NASP: variants seen among roughly 807,000 people sequenced by gnomAD.
The protein encoded by NASP is nuclear autoantigenic sperm protein.
NASP carries 24 observed loss-of-function variants against 89.5 expected under a neutral mutation model. That is an observed-to-expected ratio of 0.27 (90% CI 0.19 to 0.38). NASP has a LOEUF of 0.38. Among genes scored for constraint, NASP ranks in the 10% least tolerant of loss-of-function variants. NASP has a pLI of 1.00. For synonymous variants in NASP, 306 were observed against 324.7 expected, an observed-to-expected ratio of 0.94 and a Z score of 0.62; for missense variants, 848 against 921.4, an observed-to-expected ratio of 0.92 and a Z score of 1.03.
chr1:45,615,213 C>T lies in NASP; in HGVS notation c.1855+12C>T, dbSNP rs552373531. 8.1e-6 allele frequency: 13 copies of T among 1,613,360 alleles called. No individual in the cohort carries two copies. The highest frequency in any genetic ancestry group is 2.2e-5 in the South Asian group (2 of 90,974). On this transcript the variant is annotated intron_variant, in intron 10 of 14. Transcript: ENST00000350030. ...TGAGAACAGAATGGGTGAGTGAAGACGAGCTGCTTCATGGTGATGTTGGAT... is the reference window on the plus strand; with the variant it reads ...TGAGAACAGAATGGGTGAGTGAAGATGAGCTGCTTCATGGTGATGTTGGAT...
intron 2 of NASP, chr1:45,594,553 G>C: frequency 2.9e-6 from 1 of 340,194 alleles, no homozygotes. Context: ...TGCCCAGGTT[G>C]GAGTACAGTG....
chr1:45,612,433 T>A (rs1441968704), intron 6 of NASP: 1 of 152,230 alleles, frequency 6.6e-6, no homozygotes, highest in Admixed American at 6.5e-5. Context: ...TTAACATTGT[T>A]GATTTGTCTA....
intron 2 of NASP, among the ~76,000 whole-genome samples, chr1:45,595,129 T>TTGTGTGTGTGTGTGTGTG (rs57391869): frequency 5.4e-5 from 6 of 111,782 alleles, no homozygotes; most frequent in Admixed American, 9.7e-5. Context: ...AGACTAAGTT[T>TTGTGTGTGTGTGTGTGTG]TGTGTGTGTG....
Position 45,591,263 on chromosome 1 carries a change from G to A in NASP, c.100G>A (p.Val34Met). ...VPAPSTSADK[V>M]ESLDVDSEAK... ...TGCTCCTTCTACATCTGCAGATAAA[G>A]TGGAGAGGTAAGATTATTTACATGG... Residue 34 changes from valine to methionine, a missense_variant, in exon 2 of 15, where the codon GTG becomes ATG. By Grantham distance (21) the Val-to-Met change is conservative (BLOSUM62 1). This residue lies in a region of NASP where 89 missense variants were observed against 79.2 expected (regional missense o/e 1.12). Coordinates refer to ENST00000350030, the MANE Select transcript of NASP (RefSeq NM_002482.4). The A allele has an allele frequency of 1.9e-6, 3 of 1,541,112 alleles. No individual in the cohort carries two copies. Among genetic ancestry groups the A allele is most frequent in the Non-Finnish European group, 1.7e-6 (2 of 1,142,996 alleles).
chr1:45,612,132 C>T (rs189514225), intron 6 of NASP: 3 of 152,142 alleles, frequency 2.0e-5, no homozygotes, highest in East Asian at 1.9e-4. Flanking sequence ...CTCGGCCTCC[C>T]AAAGAGCTGG....
At chr1:45,597,762 C>G (rs527602475) in intron 2 of NASP, among the ~76,000 whole-genome samples, 1 of 152,278 alleles carries the variant, frequency 6.6e-6, no homozygotes, top group Non-Finnish European at 1.5e-5. Context: ...TCTTACATAA[C>G]ACCAGCATCT....
chr1:45,604,145 C>G (rs191586611), intron 3 of NASP, among the ~76,000 whole-genome samples: 1 of 152,208 alleles, frequency 6.6e-6, no homozygotes, highest in Non-Finnish European at 1.5e-5. Context: ...TGCTTAGATT[C>G]TCTAGTTACT....
intron 3 of NASP, among the ~76,000 whole-genome samples, chr1:45,604,466 CTG>C (rs1643885714): frequency 6.6e-6 from 1 of 152,188 alleles, no homozygotes; most frequent in Admixed American, 6.5e-5. Flanking sequence ...AACTAAGGCA[CTG>C]TGAGAATAAT....
chr1:45,592,530 T>C (rs902602124), intron 2 of NASP, among the ~76,000 whole-genome samples: 2 of 152,134 alleles, frequency 1.3e-5, no homozygotes, highest in Non-Finnish European at 1.5e-5. Flanking sequence ...TTGTTTGTTT[T>C]TTGAGATGGA....
intron 2 of NASP, among the ~76,000 whole-genome samples, chr1:45,599,375 G>A (rs1027132155): frequency 6.6e-6 from 1 of 152,108 alleles, no homozygotes; most frequent in Non-Finnish European, 1.5e-5. Context: ...CCAAAGTGCT[G>A]GGACTACAGG....
intron 2 of NASP, among the ~76,000 whole-genome samples, chr1:45,596,311 G>A (rs1225303254): frequency 4.6e-5 from 7 of 152,000 alleles, no homozygotes; most frequent in Non-Finnish European, 8.8e-5. Context: ...TCACATTGTC[G>A]TATACCCAAT....
rs751895056 is a variant in NASP at position 45,584,103 on chromosome 1, C to T, written c.-44C>T. On this transcript the variant is annotated 5_prime_UTR_variant, in exon 1 of 15. Coordinates refer to ENST00000350030, the MANE Select transcript of NASP (RefSeq NM_002482.4). ...GGCGTCCCAAATTGCCTGTTTTTCTCGCAGGCTCTATTCCGTTCGCTGGTT... is the reference window on the plus strand; with the variant it reads ...GGCGTCCCAAATTGCCTGTTTTTCTTGCAGGCTCTATTCCGTTCGCTGGTT... 2.7e-5 allele frequency: 42 copies of T among 1,534,546 alleles called. No homozygotes were observed. Among genetic ancestry groups the T allele is most frequent in the Non-Finnish European group, 3.4e-5 (38 of 1,129,956 alleles).
At position 45,615,167 on chromosome 1, in the gene NASP, C is replaced by G; in HGVS notation, c.1821C>G (p.Phe607Leu). ...AGTATGATGAGGCAGTGGCACAGTT[C>G]AGCAAATCTATTGAAGTCATTGAGA... ...NSQYDEAVAQ[F>L]SKSIEVIENR... Residue 607 changes from phenylalanine (F) to leucine (L), a missense_variant, in exon 10 of 15, where the codon TTC becomes TTG. Physicochemically the swap from Phe to Leu is conservative, Grantham distance 22. Around this residue, in one of 5 missense-constraint regions of NASP, gnomAD observed 218 missense variants for 219.6 expected, o/e 0.99. Coordinates refer to ENST00000350030, the MANE Select transcript of NASP (RefSeq NM_002482.4). The G allele has an allele frequency of 6.2e-7, 1 of 1,614,140 alleles. No homozygotes were observed. Among genetic ancestry groups the G allele is most frequent in the Non-Finnish European group, 8.5e-7 (1 of 1,180,042 alleles).
intron 2 of NASP, among the ~76,000 whole-genome samples, chr1:45,595,129 TTGTGTGTGTGTGTGTGTG>T (rs57391869): frequency 0.022 from 2,448 of 111,858 alleles, 45 homozygotes; most frequent in African/African-American, 0.026. Flanking sequence ...AGACTAAGTT[TTGTGTGTGTGTGTGTGTG>T]TGTGTGTGTG....
rs1222169318 is a variant in NASP at position 45,614,442 on chromosome 1, C to T, written c.1666+76C>T. ...CTTCCTCTAATAGATTCTCTGGAAC[C>T]GAACTTGATCTTTAAAAAGATAGGT... On this transcript the variant is annotated intron_variant, in intron 9 of 14. Transcript: ENST00000350030. 1.1e-5 allele frequency: 13 copies of T among 1,157,266 alleles called. No individual in the cohort carries two copies. In the East Asian group the frequency reaches 1.7e-4, roughly 15 times the overall value. 71.7% of individuals were successfully genotyped at this position (1,157,266 alleles called of 1,614,324 possible). A position where few individuals can be genotyped will look rare whatever the true frequency, so the allele number is the denominator to read the frequency against.
chr1:45,614,955 G>A (rs970139483), intron 9 of NASP, 58 bp from the exon 10 acceptor site: 2 of 1,455,626 alleles, frequency 1.4e-6, no homozygotes, highest in Non-Finnish European at 1.9e-6. Flanking sequence ...TCTGAATTCT[G>A]GAAGTATTTT....
chr1:45,612,367 CATATT>C (rs984789818), intron 6 of NASP: 8 of 152,142 alleles, frequency 5.3e-5, no homozygotes, highest in Admixed American at 3.9e-4. Context: ...CAGAGAGAGG[CATATT>C]ATATCCAATT....
intron 4 of NASP, 98 bp from the exon 5 acceptor site, chr1:45,606,384 A>T (rs1352226336): frequency 7.7e-6 from 6 of 776,522 alleles, no homozygotes; most frequent in Non-Finnish European, 1.1e-5. Flanking sequence ...CTTGGCTTAC[A>T]CTTCTTGCTT....
chr1:45,597,594 A>G (rs1643730994), intron 2 of NASP, among the ~76,000 whole-genome samples: 2 of 152,202 alleles, frequency 1.3e-5, no homozygotes, highest in Admixed American at 6.5e-5. Flanking sequence ...AAAGAAAGTC[A>G]TGTTATTAAC....
Sources: allele counts gnomAD v4.1 joint callset (sites outside exome capture counted in the v4.1 genomes callset), GRCh38; gene constraint gnomAD v4.1.1; regional missense constraint gnomAD v4.1.1; transcripts MANE v1.5; gene names NCBI Gene and HGNC (gene_info 2026-07-23, HGNC 2026-07-21).